TNRC6A: variants seen among roughly 807,000 people sequenced by gnomAD.
TNRC6A encodes trinucleotide repeat containing adaptor 6A.
In TNRC6A, 44 loss-of-function variants were observed where a neutral mutation model predicts 221.2. That is an observed-to-expected ratio of 0.20 (90% CI 0.16 to 0.26). The LOEUF is 0.26. Among genes scored for constraint, TNRC6A ranks in the 10% least tolerant of loss-of-function variants. The pLI, the probability that TNRC6A is intolerant of heterozygous loss-of-function variation, is 1.00. For synonymous variants in TNRC6A, 847 were observed against 838.5 expected, an observed-to-expected ratio of 1.01 and a Z score of -0.18; for missense variants, 2,199 against 2,404.4, an observed-to-expected ratio of 0.91 and a Z score of 1.79.
intron 2 of TNRC6A, among the ~76,000 whole-genome samples, chr16:24,671,643 C>A (rs1296368162): frequency 1.3e-5 from 2 of 152,126 alleles, no homozygotes; most frequent in African/African-American, 4.8e-5. Flanking sequence ...TAGAAAACAC[C>A]CCGAGGAAAC....
At chr16:24,771,554 G>GTT (rs1417012086) in intron 4 of TNRC6A, among the ~76,000 whole-genome samples, 129 of 71,290 alleles carry the variant, frequency 1.8e-3, no homozygotes, top group Admixed American at 2.6e-3. Flanking sequence ...GTTATGTTAT[G>GTT]TTATGTTTTA....
intron 15 of TNRC6A, 69 bp downstream of exon 15, chr16:24,805,802 C>G (rs1230970978): frequency 6.3e-7 from 1 of 1,592,438 alleles, no homozygotes; most frequent in Non-Finnish European, 8.6e-7. Flanking sequence ...ACACTAGACT[C>G]TGTGCGGGAC....
rs2055372802 is a variant in TNRC6A at position 24,674,697 on chromosome 16, CACACA to C, written n.402+33689_402+33693del. Among the ~76,000 whole-genome samples the C allele has an allele frequency of 1.8e-4, 3 of 16,668 alleles. No homozygotes were observed. The African/African-American group carries it at 5.3e-3, about 29-fold the overall frequency. 10.9% of individuals were successfully genotyped at this position (16,668 alleles called of 152,430 possible). A position where few individuals can be genotyped will look rare whatever the true frequency, so the allele number is the denominator to read the frequency against. On this transcript the variant is annotated intron_variant and non_coding_transcript_variant, in intron 2 of 2. Coordinates refer to the TNRC6A transcript ENST00000566108. ...TTCTCTTACAACACTGCCCCCACCACACACACACACACACACACACACACACACAC... is the reference window on the plus strand; with the variant it reads ...TTCTCTTACAACACTGCCCCCACCACCACACACACACACACACACACACAC...
At chr16:24,620,046 G>A (rs912759095) in intron 1 of TNRC6A, among the ~76,000 whole-genome samples, 3 of 151,978 alleles carry the variant, frequency 2.0e-5, no homozygotes, top group African/African-American at 7.2e-5. Context: ...GGAGGTTGAG[G>A]TGGGAGGATC....
intron 2 of TNRC6A, among the ~76,000 whole-genome samples, chr16:24,714,892 T>C (rs1010917696): frequency 4.6e-5 from 7 of 151,648 alleles, no homozygotes; most frequent in Admixed American, 6.6e-5. Flanking sequence ...TTTTTTTTTT[T>C]CTGGGATGGA....
intron 2 of TNRC6A, among the ~76,000 whole-genome samples, chr16:24,648,552 G>A (rs1018328495): frequency 1.3e-5 from 2 of 152,128 alleles, no homozygotes; most frequent in Admixed American, 6.5e-5. Context: ...TTACAGGCGT[G>A]AGCCACCGCG....
chr16:24,757,608 A>G (rs1213914918), intron 3 of TNRC6A, among the ~76,000 whole-genome samples: 1 of 152,068 alleles, frequency 6.6e-6, no homozygotes, highest in Non-Finnish European at 1.5e-5. Flanking sequence ...TGAGCTAGTC[A>G]CCTCGAGTTA....
chr16:24,774,261 C>T (rs983229622), intron 4 of TNRC6A, among the ~76,000 whole-genome samples: 5 of 152,186 alleles, frequency 3.3e-5, no homozygotes, highest in African/African-American at 1.2e-4. Context: ...GCACTCATTA[C>T]TTCTATGTCT....
intron 2 of TNRC6A, among the ~76,000 whole-genome samples, chr16:24,723,669 C>T (rs919982469): frequency 4.6e-5 from 7 of 151,364 alleles, no homozygotes; most frequent in Non-Finnish European, 1.0e-4. Context: ...GAATTCCTCC[C>T]TCACTGGACA....
intron 1 of TNRC6A, among the ~76,000 whole-genome samples, chr16:24,611,700 G>T (rs749042755): frequency 6.6e-6 from 1 of 152,146 alleles, no homozygotes; most frequent in South Asian, 2.1e-4. Context: ...GACAGGGAGA[G>T]GACAGATTAG....
intron 2 of TNRC6A, among the ~76,000 whole-genome samples, chr16:24,648,412 A>C (rs1405461268): frequency 6.6e-6 from 1 of 151,942 alleles, no homozygotes. Context: ...CTAGGACTAC[A>C]GGTGCCCACC....
chr16:24,611,904 C>T (rs1020104622), intron 1 of TNRC6A, among the ~76,000 whole-genome samples: 1 of 151,704 alleles, frequency 6.6e-6, no homozygotes, highest in African/African-American at 2.4e-5. Context: ...ACCAGCCTGG[C>T]CAACATAGAG....
At chr16:24,673,517 G>A (rs563013556) in intron 2 of TNRC6A, among the ~76,000 whole-genome samples, 2 of 152,254 alleles carry the variant, frequency 1.3e-5, no homozygotes, top group South Asian at 2.1e-4. Flanking sequence ...CCACCAGCTC[G>A]AGCAGTGAAA....
Position 24,791,778 on chromosome 16 carries a change from G to A in TNRC6A, c.3136G>A (p.Ala1046Thr), listed in dbSNP as rs1567484538. ...ACAGGTACATCAGCTGCTAACGCCTGCAAGTGCCATCTCAAACAAAGAGGC... is the reference window on the plus strand; with the variant it reads ...ACAGGTACATCAGCTGCTAACGCCTACAAGTGCCATCTCAAACAAAGAGGC... The part of the protein sequence containing the change: ...QAQVHQLLTP[A>T]SAISNKEASS... The change falls in exon 6 of 25, where the codon GCA (alanine) becomes ACA (threonine). Residue 1046 changes from alanine to threonine, a missense_variant. Physicochemically the swap from Ala to Thr is moderately conservative, Grantham distance 58. Coordinates refer to ENST00000395799, the MANE Select transcript of TNRC6A (RefSeq NM_014494.4). 3 of 1,576,116 alleles carry A rather than the reference G, an allele frequency of 1.9e-6. No homozygotes were observed. The highest frequency in any genetic ancestry group is 1.7e-6 in the Non-Finnish European group (2 of 1,165,046).
rs1215907557 is a variant in TNRC6A, at chr16:24,824,764, C to T, written c.*957C>T. ...ATGGTTCTCAGGAAAACCAGTTCCC[C>T]AGTTTAAAAAAAAAAAAAAAAATTC... On this transcript the variant is annotated 3_prime_UTR_variant, in exon 25 of 25. Coordinates refer to ENST00000395799, the MANE Select transcript of TNRC6A (RefSeq NM_014494.4). The T allele has an allele frequency of 7.7e-6, 1 of 130,644 alleles. No individual in the cohort carries two copies. The highest frequency in any genetic ancestry group is 1.6e-5 in the Non-Finnish European group (1 of 61,818). The allele number at this position is 130,644 out of a possible 1,614,324, so 8.1% of individuals were successfully genotyped here. A position where few individuals can be genotyped will look rare whatever the true frequency, so the allele number is the denominator to read the frequency against.
intron 4 of TNRC6A, among the ~76,000 whole-genome samples, chr16:24,771,348 C>G (rs548127147): frequency 6.6e-6 from 1 of 152,204 alleles, no homozygotes; most frequent in Admixed American, 6.5e-5. Context: ...AAGTGCCTTG[C>G]CCATGGTCAT....
chr16:24,735,880 A>C (rs1452609529), intron 2 of TNRC6A, among the ~76,000 whole-genome samples: 1 of 152,204 alleles, frequency 6.6e-6, no homozygotes, highest in Non-Finnish European at 1.5e-5. Flanking sequence ...ATTTTAAAAA[A>C]TTGGCCGGGC....
At chr16:24,783,934 C>T (rs1567468089) in intron 5 of TNRC6A, among the ~76,000 whole-genome samples, 2 of 152,314 alleles carry the variant, frequency 1.3e-5, no homozygotes, top group Non-Finnish European at 1.5e-5. Flanking sequence ...CCTGAGGAGT[C>T]CTGTTCTTTT....
chr16:24,702,597 T>TACCCTACAATTCACAC (rs2142226843), intron 2 of TNRC6A, among the ~76,000 whole-genome samples: 1 of 152,246 alleles, frequency 6.6e-6, no homozygotes, highest in African/African-American at 2.4e-5. Context: ...ATAATTCACA[T>TACCCTACAATTCACAC]ACCCTACAAT....
Sources: gnomAD v4.1 joint callset for allele counts (sites outside exome capture counted in the v4.1 genomes callset) on GRCh38, gnomAD v4.1.1 for gene constraint, MANE v1.5 for transcripts, NCBI Gene and HGNC (gene_info 2026-07-23, HGNC 2026-07-21) for gene names.